The following ATP6V0A4 variants were observed in gnomAD, a reference collection of about 807,000 sequenced individuals.
ATP6V0A4 encodes the protein ATPase H+ transporting V0 subunit a4.
Under a neutral mutation model 107.3 loss-of-function variants are expected in ATP6V0A4, and 86 were observed. The observed-to-expected ratio is 0.80, with a 90% CI of 0.67 to 0.96. The LOEUF is 0.96. Ranked by LOEUF, ATP6V0A4 falls within the 40% of genes least tolerant of loss-of-function variation. The pLI is 0.00. For synonymous variants in ATP6V0A4, 353 were observed against 381.4 expected (o/e 0.93, Z 0.87); for missense variants, 908 against 1,045.6 (o/e 0.87, Z 1.81).
chr7:138,734,614 A>G (rs1007035218), intron 15 of ATP6V0A4, among the ~76,000 whole-genome samples: 2 of 151,874 alleles, frequency 1.3e-5, no homozygotes, highest in Admixed American at 6.6e-5. Context: ...CTGTCTCTAC[A>G]CCAAAATACA....
At chr7:138,791,061 GA>G (rs1481265661) in intron 1 of ATP6V0A4, among the ~76,000 whole-genome samples, 1 of 152,158 alleles carries the variant, frequency 6.6e-6, no homozygotes, top group Non-Finnish European at 1.5e-5. Context: ...GGCGAAGACT[GA>G]GGTTATCAGA....
rs560049418 is a variant in ATP6V0A4, at chr7:138,768,673, C to A, written c.291+107G>T. 40 of 1,374,288 alleles carry A rather than the reference C, an allele frequency of 2.9e-5. No homozygotes were observed. In the South Asian group the frequency reaches 4.6e-4, roughly 16 times the overall value. The allele number at this position is 1,374,288 out of a possible 1,614,324, so 85.1% of individuals were successfully genotyped here. ...ACGACCATGCAGGCCTGCCTCCCTG[C>A]CTTCAAGCAAACAGGTACGGAATCT... On this transcript the variant is annotated intron_variant, in intron 5 of 21. Coordinates refer to ENST00000310018, the MANE Select transcript of ATP6V0A4 (RefSeq NM_020632.3).
chr7:138,765,890 C>T (rs994030034), intron 5 of ATP6V0A4, among the ~76,000 whole-genome samples: 7 of 152,126 alleles, frequency 4.6e-5, no homozygotes, highest in Non-Finnish European at 8.8e-5. Context: ...GCTGGGACCA[C>T]AGGTGCACAC....
At chr7:138,746,660 T>C (rs1351189157) in intron 13 of ATP6V0A4, among the ~76,000 whole-genome samples, 1 of 152,104 alleles carries the variant, frequency 6.6e-6, no homozygotes, top group Non-Finnish European at 1.5e-5. Context: ...CCCACCACCA[T>C]GCCTGGCTAA....
intron 1 of ATP6V0A4, among the ~76,000 whole-genome samples, chr7:138,795,292 A>G (rs933486341): frequency 6.6e-6 from 1 of 152,144 alleles, no homozygotes; most frequent in African/African-American, 2.4e-5. Context: ...ACAGTCCGAC[A>G]TCACATAACA....
In ATP6V0A4 at chr7:138,747,465, A is replaced by G; in HGVS notation, c.1280T>C (p.Leu427Pro). The G allele has an allele frequency of 6.2e-7, 1 of 1,614,170 alleles. No homozygotes were observed. The highest frequency in any genetic ancestry group is 1.3e-5 in the African/African-American group (1 of 75,046). Residue 427 changes from leucine (L) to proline (P), a missense_variant, in exon 13 of 22, where the codon CTG (leucine) becomes CCG (proline). Physicochemically the swap from Leu to Pro is moderately conservative, Grantham distance 98. Coordinates refer to ENST00000310018, the MANE Select transcript of ATP6V0A4 (RefSeq NM_020632.3). ...CTGGGAGAGCAAGCGTCTCTCATTCAGAATCATCCAAAGTGCAGCCAGGAG... is the reference window on the plus strand; with the variant it reads ...CTGGGAGAGCAAGCGTCTCTCATTCGGAATCATCCAAAGTGCAGCCAGGAG... Reference protein sequence around the residue: ...VMLLAALWMILNERRLLSQKT... With the variant: ...VMLLAALWMIPNERRLLSQKT...
intron 9 of ATP6V0A4, 49 bp from the exon 10 acceptor site, chr7:138,755,831 C>T (rs770880440): frequency 1.9e-5 from 30 of 1,600,352 alleles, no homozygotes; most frequent in Non-Finnish European, 2.5e-5. Context: ...TGCTGCAAAG[C>T]ATTCTGCATC....
chr7:138,713,012 C>T lies in ATP6V0A4; in HGVS notation c.2257+2752G>A, dbSNP rs111385569. Among the ~76,000 whole-genome samples, 95 of 152,142 alleles carry T rather than the reference C, an allele frequency of 6.2e-4. 1 individual carries two copies. Among genetic ancestry groups the T allele is most frequent in the African/African-American group, 2.1e-3 (87 of 41,510 alleles). ...GTGCACAGGAGTAAAGACATGCGGCCGGGCGCGGTGGCTCACGCCTGTAAT... is the reference window on the plus strand; with the variant it reads ...GTGCACAGGAGTAAAGACATGCGGCTGGGCGCGGTGGCTCACGCCTGTAAT... On this transcript the variant is annotated intron_variant, in intron 20 of 21. Coordinates refer to ENST00000310018, the MANE Select transcript of ATP6V0A4 (RefSeq NM_020632.3).
intron 18 of ATP6V0A4, among the ~76,000 whole-genome samples, chr7:138,723,519 TTTTC>T: frequency 1.2e-5 from 1 of 86,858 alleles, no homozygotes; most frequent in Non-Finnish European, 2.4e-5. Context: ...CCCTTCTTTC[TTTTC>T]TTTTTTTTTT....
intron 2 of ATP6V0A4, among the ~76,000 whole-genome samples, chr7:138,777,352 C>A (rs1386066137): frequency 6.6e-6 from 1 of 151,980 alleles, no homozygotes; most frequent in Non-Finnish European, 1.5e-5. Context: ...CGGTGGCTCA[C>A]GCCTGTCATC....
intron 2 of ATP6V0A4, among the ~76,000 whole-genome samples, chr7:138,775,704 G>T (rs945196258): frequency 2.0e-5 from 3 of 146,804 alleles, no homozygotes; most frequent in Non-Finnish European, 4.5e-5. Context: ...AGGCTGGAGT[G>T]CAGTGGCGCG....
intron 19 of ATP6V0A4, among the ~76,000 whole-genome samples, chr7:138,718,435 C>G: frequency 1.0e-5 from 1 of 98,442 alleles, no homozygotes; most frequent in Admixed American, 1.4e-4. Context: ...TCACGGATGT[C>G]TGCGGAGGGA....
chr7:138,786,686 T>G (rs1002518662), intron 1 of ATP6V0A4, among the ~76,000 whole-genome samples: 3 of 151,532 alleles, frequency 2.0e-5, no homozygotes, highest in Non-Finnish European at 4.4e-5. Context: ...GAGAGAGAGA[T>G]TCTCCCTATG....
chr7:138,780,341 T>C (rs1563018651), intron 2 of ATP6V0A4, among the ~76,000 whole-genome samples: 1 of 152,194 alleles, frequency 6.6e-6, no homozygotes, highest in Non-Finnish European at 1.5e-5. Flanking sequence ...GTAGGGTTCA[T>C]GCTCCTCTGA....
In ATP6V0A4 at chr7:138,734,158, T is replaced by A. The variant is rs147301634; in HGVS notation, c.1669A>T (p.Ile557Phe). The A allele has an allele frequency of 1.7e-4, 273 of 1,613,230 alleles. No homozygotes were observed. The highest frequency in any genetic ancestry group is 8.5e-4 in the Admixed American group (51 of 60,002). The change falls in exon 16 of 22, where the codon ATC becomes TTC. Residue 557 changes from isoleucine to phenylalanine, a missense_variant. Physicochemically the swap from Ile to Phe is conservative, Grantham distance 21. Coordinates refer to ENST00000310018, the MANE Select transcript of ATP6V0A4 (RefSeq NM_020632.3). ...LGIVQMVFGV[I>F]LSLFNHIYFR... The stretch of plus-strand genomic sequence containing the variant: ...TACATGTGATTGAAAAGGCTGAGGA[T>A]GACACCGAAAACCATCTGGACAATT...
chr7:138,747,430 T>A lies in ATP6V0A4; in HGVS notation c.1315A>T (p.Asn439Tyr). The A allele has an allele frequency of 6.2e-7, 1 of 1,614,192 alleles. No homozygotes were observed. Among genetic ancestry groups the A allele is most frequent in the Non-Finnish European group, 8.5e-7 (1 of 1,180,030 alleles). The change falls in exon 13 of 22, where the codon AAT becomes TAT. Residue 439 changes from asparagine (N) to tyrosine (Y), a missense_variant. Transcript: ENST00000310018. The stretch of plus-strand genomic sequence containing the variant: ...GACGGTCAATGGACACTCACCTCAT[T>A]GTCTGTCTTCTGGGAGAGCAAGCGT... ...ERRLLSQKTDNEIWNTFFHGR... is the reference protein window; with the variant it reads ...ERRLLSQKTDYEIWNTFFHGR...
intron 14 of ATP6V0A4, among the ~76,000 whole-genome samples, chr7:138,741,800 T>C (rs1244244558): frequency 6.6e-6 from 1 of 152,198 alleles, no homozygotes; most frequent in African/African-American, 2.4e-5. Flanking sequence ...CTTTCAACCA[T>C]CAAGGAAGCA....
chr7:138,755,027 A>G (rs2117296894), intron 10 of ATP6V0A4, among the ~76,000 whole-genome samples: 1 of 152,338 alleles, frequency 6.6e-6, no homozygotes, highest in Non-Finnish European at 1.5e-5. Flanking sequence ...GCTCGTGACT[A>G]CAGTGTTGGA....
Position 138,709,793 on chromosome 7 carries a change from G to T in ATP6V0A4, c.2260C>A (p.Leu754Met), listed in dbSNP as rs886062012. 2.2e-5 allele frequency: 36 copies of T among 1,613,730 alleles called. No homozygotes were observed. Among genetic ancestry groups the T allele is most frequent in the Non-Finnish European group, 3.0e-5 (35 of 1,179,820 alleles). ...ACCATAGTCCAGAGCACTTCAGACA[G>T]TTCTGCAAGGTACGAGAAACCACTG... ...LWALSLAHAQ[L>M]SEVLWTMVMN... Residue 754 changes from leucine (L) to methionine (M), a missense_variant and splice_region_variant, in exon 21 of 22, where the codon CTG (leucine) becomes ATG (methionine). By Grantham distance (15) the Leu-to-Met change is conservative. Transcript: ENST00000310018.
Sources: allele counts gnomAD v4.1 joint callset (sites outside exome capture counted in the v4.1 genomes callset), GRCh38; gene constraint gnomAD v4.1.1; transcripts MANE v1.5; gene names NCBI Gene and HGNC (gene_info 2026-07-23, HGNC 2026-07-21).